SEC16A: variants seen among roughly 807,000 people sequenced by gnomAD.
The protein encoded by SEC16A is SEC16 homolog A, endoplasmic reticulum export factor.
A neutral mutation model predicts 221.9 loss-of-function variants in SEC16A; 110 were observed. That is an observed-to-expected ratio of 0.50 (90% CI 0.42 to 0.58). SEC16A has a LOEUF of 0.58. Ranked by LOEUF, SEC16A falls within the 20% of genes least tolerant of loss-of-function variation. The pLI is 0.00. For synonymous variants in SEC16A, 1,393 were observed against 1,257.7 expected (o/e 1.11, Z -2.28); for missense variants, 3,165 against 3,097.8 (o/e 1.02, Z -0.52).
upstream of SEC16A, chr9:136,484,678 A>G (rs568484799): frequency 2.9e-5 from 39 of 1,366,400 alleles, no homozygotes; most frequent in Middle Eastern, 4.2e-4. Context: ...GTGCCACGCC[A>G]GCAGGGCCGC....
chr9:136,467,007 A>G lies in SEC16A; in HGVS notation c.3879T>C (p.Cys1293=). Residue 1293 remains cysteine (C), a synonymous_variant, in exon 6 of 32, where the codon TGT becomes TGC. Coordinates refer to ENST00000684901, the MANE Select transcript of SEC16A (RefSeq NM_014866.2). The stretch of plus-strand genomic sequence containing the variant: ...TCCTGTATGCGTCATACTCTGCATC[A>G]CACCAATACCTCCGGTCATAGGTGC... ...DPRTYDRRYW[C]DAEYDAYRRE... is the part of the protein sequence containing the mutation. 1 of 1,613,860 alleles carries G rather than the reference A, an allele frequency of 6.2e-7. No homozygotes were observed. The highest frequency in any genetic ancestry group is 8.5e-7 in the Non-Finnish European group (1 of 1,179,840).
intron 30 of SEC16A, 48 bp from the exon 31 acceptor site, chr9:136,443,948 G>A: frequency 2.9e-6 from 4 of 1,395,358 alleles, no homozygotes; most frequent in Non-Finnish European, 3.9e-6. Context: ...CTGCACAGCA[G>A]CTGTCACTTC....
Position 136,459,027 on chromosome 9 carries a change from A to T in SEC16A, c.5409+107T>A, listed in dbSNP as rs1839108011. On this transcript the variant is annotated intron_variant, in intron 17 of 31. Transcript: ENST00000684901. This position sits in a 1 kb window ranked among gnomAD's most constrained non-coding sequence, Gnocchi z 6.1. ...CTCAAGATCCTCCCCCAAAAAACTC[A>T]CATCATTTTTTTCGATACCAATTCA... is the stretch of plus-strand genomic sequence containing the variant. 1 of 687,994 alleles carries T rather than the reference A, an allele frequency of 1.5e-6. No homozygotes were observed. Among genetic ancestry groups the T allele is most frequent in the Non-Finnish European group, 2.4e-6 (1 of 423,266 alleles). The allele number at this position is 687,994 out of a possible 1,614,324, so 42.6% of individuals were successfully genotyped here. A position where few individuals can be genotyped will look rare whatever the true frequency, so the allele number is the denominator to read the frequency against.
intron 1 of SEC16A, among the ~76,000 whole-genome samples, chr9:136,481,562 G>A (rs1488698505): frequency 6.6e-6 from 1 of 152,184 alleles, no homozygotes; most frequent in East Asian, 1.9e-4. Context: ...GTAACCATGT[G>A]GATACCTAAG....
upstream of SEC16A, chr9:136,484,066 C>T (rs11793840): frequency 0.12 from 18,785 of 158,530 alleles, 1,443 homozygotes; most frequent in Admixed American, 0.24. Context: ...AAGGGGGACG[C>T]GCGGGCTCCT....
chr9:136,484,548 G>C, upstream of SEC16A: 1 of 1,305,304 alleles, frequency 7.7e-7, no homozygotes, highest in South Asian at 1.3e-5. Context: ...CGTGGTGGGG[G>C]TGCCCGCCCG....
Position 136,476,575 on chromosome 9 carries a change from C to G in SEC16A, c.1041G>C (p.Thr347=). 2 of 1,607,412 alleles carry G rather than the reference C, an allele frequency of 1.2e-6. No homozygotes were observed. The highest frequency in any genetic ancestry group is 2.2e-5 in the East Asian group (1 of 44,780). Residue 347 remains threonine, a synonymous_variant, in exon 3 of 32, where the codon ACG becomes ACC. Coordinates refer to ENST00000684901, the MANE Select transcript of SEC16A (RefSeq NM_014866.2). ...CGGCCCCAGCCCCCAGTGGGTGGTG[C>G]GTACGGTTTTCTGGGCTATCTCCCC... is the stretch of plus-strand genomic sequence containing the variant. The part of the protein sequence containing the change: ...LARGDSPENR[T]HHPLGAGAGS...
At chr9:136,464,656 G>A in intron 8 of SEC16A, 94 bp from the exon 9 acceptor site, 2 of 1,139,534 alleles carry the variant, frequency 1.8e-6, no homozygotes, top group Non-Finnish European at 2.5e-6. Flanking sequence ...TTAAATCACA[G>A]GTTAGATTTA....
At position 136,440,317 on chromosome 9, in the gene SEC16A, T is replaced by C. The variant is rs912130045; in HGVS notation, c.*1438A>G. 2.0e-5 allele frequency: 3 copies of C among 152,364 alleles called. No homozygotes were observed. The highest frequency in any genetic ancestry group is 4.8e-5 in the African/African-American group (2 of 41,454). The allele number at this position is 152,364 out of a possible 1,614,324, so 9.4% of individuals were successfully genotyped here. On this transcript the variant is annotated 3_prime_UTR_variant, in exon 32 of 32. Transcript: ENST00000684901. The stretch of plus-strand genomic sequence containing the variant: ...GCTGCCCCGTCACAGGGACTGGCCT[T>C]TCTCCAAGTGACAAGGACAAATGGA...
chr9:136,481,328 C>T (rs946530712), intron 1 of SEC16A, among the ~76,000 whole-genome samples: 7 of 151,896 alleles, frequency 4.6e-5, no homozygotes, highest in Admixed American at 2.0e-4. Flanking sequence ...TCAGTAGAGA[C>T]GGGGTTTCAC....
At position 136,466,779 on chromosome 9, in the gene SEC16A, A is replaced by C. The variant is rs1310148331; in HGVS notation, c.3929+178T>G. Among the ~76,000 whole-genome samples the C allele has an allele frequency of 2.0e-5, 3 of 152,186 alleles. No individual in the cohort carries two copies. Among genetic ancestry groups the C allele is most frequent in the Non-Finnish European group, 2.9e-5 (2 of 68,020 alleles). ...AGGCCAGTTCTCCTCTAACAGTCCA[A>C]GCTGGGAACCCTGGGAGGGTCTGCT... On this transcript the variant is annotated intron_variant, in intron 6 of 31. Transcript: ENST00000684901. The surrounding 1 kb of genome is among the most constrained non-coding windows in gnomAD (Gnocchi z 5.5).
At position 136,466,392 on chromosome 9, in the gene SEC16A, G is replaced by A. The variant is rs565142453; in HGVS notation, c.4000C>T (p.Pro1334Ser). ...FTGSFDDDPD[P>S]HRDPYGEEVD... Reference sequence around the variant, plus strand: ...TCTTCCCCATAAGGGTCTCTGTGCGGATCGGGGTCATCGTCAAAACTCCCC... The same window carrying A: ...TCTTCCCCATAAGGGTCTCTGTGCGAATCGGGGTCATCGTCAAAACTCCCC... Residue 1334 changes from proline to serine, a missense_variant, in exon 7 of 32, where the codon CCG (proline) becomes TCG (serine). Transcript: ENST00000684901. The surrounding 1 kb of genome is among the most constrained non-coding windows in gnomAD (Gnocchi z 5.5). The A allele has an allele frequency of 6.2e-7, 1 of 1,604,140 alleles. No individual in the cohort carries two copies. Among genetic ancestry groups the A allele is most frequent in the Non-Finnish European group, 8.5e-7 (1 of 1,175,498 alleles).
At chr9:136,473,915 TTC>T in intron 3 of SEC16A, 132 bp downstream of exon 3, 1 of 955,792 alleles carries the variant, frequency 1.0e-6, no homozygotes, top group Non-Finnish European at 1.5e-6. Flanking sequence ...TGGAATACTG[TTC>T]TCACGCCTGC....
chr9:136,481,973 G>A (rs1419140894), intron 1 of SEC16A, among the ~76,000 whole-genome samples: 3 of 151,822 alleles, frequency 2.0e-5, no homozygotes, highest in Admixed American at 1.3e-4. Flanking sequence ...CCTCTTGCTG[G>A]ATTTGGCAAA....
upstream of SEC16A, chr9:136,483,830 C>T: frequency 1.0e-6 from 1 of 983,294 alleles, no homozygotes; most frequent in South Asian, 4.7e-5. Flanking sequence ...GCGGCCGGAG[C>T]TGCGGGACGC....
rs1841770564 is a variant in SEC16A at position 136,477,289 on chromosome 9, G to A, written c.327C>T (p.Pro109=). Residue 109 remains proline, a synonymous_variant, in exon 3 of 32, where the codon CCC becomes CCT. Coordinates refer to ENST00000684901, the MANE Select transcript of SEC16A (RefSeq NM_014866.2). The stretch of plus-strand genomic sequence containing the variant: ...TGGGCTGTGTCAGAGGTCCAGGCAG[G>A]GGCTCACAGGGTCCCTGAGAGCTAT... ...ARDSSQGPCE[P]LPGPLTQPRA... The A allele has an allele frequency of 6.2e-7, 1 of 1,613,808 alleles. No individual in the cohort carries two copies. Among genetic ancestry groups the A allele is most frequent in the African/African-American group, 1.3e-5 (1 of 74,908 alleles).
rs764993401 is a variant in SEC16A at position 136,441,607 on chromosome 9, C to A, written c.*148G>T. The A allele has an allele frequency of 9.5e-6, 6 of 630,220 alleles. No homozygotes were observed. The African/African-American group carries it at 1.1e-4, about 11-fold the overall frequency. 39.0% of individuals were successfully genotyped at this position (630,220 alleles called of 1,614,324 possible). A position where few individuals can be genotyped will look rare whatever the true frequency, so the allele number is the denominator to read the frequency against. On this transcript the variant is annotated 3_prime_UTR_variant, in exon 32 of 32. Transcript: ENST00000684901. ...TTTCAAAATAATTCATTACGATGGG[C>A]GGTGAGGAGGGAGGCACAGTGTGCG...
At position 136,447,312 on chromosome 9, in the gene SEC16A, C is replaced by T. The variant is rs368674080; in HGVS notation, c.6612G>A (p.Arg2204=). ...CCGCAGGAGCGAGAGCCGGCTCGCT[C>T]CGCTGGGTCCCGCTTGGGTTCAGGA... The part of the protein sequence containing the change: ...VDVLNPSGTQ[R]SEPALAPADF... Residue 2204 remains arginine (R), a synonymous_variant, in exon 27 of 32, where the codon CGG becomes CGA. Coordinates refer to ENST00000684901, the MANE Select transcript of SEC16A (RefSeq NM_014866.2). This position sits in a 1 kb window ranked among gnomAD's most constrained non-coding sequence, Gnocchi z 5.5. 6 of 1,592,766 alleles carry T rather than the reference C, an allele frequency of 3.8e-6. No homozygotes were observed. The African/African-American group carries it at 8.0e-5, about 21-fold the overall frequency.
chr9:136,474,731 G>A lies in SEC16A; in HGVS notation c.2885C>T (p.Thr962Ile). The change falls in exon 3 of 32, where the codon ACA (threonine) becomes ATA (isoleucine). Residue 962 changes from threonine to isoleucine, a missense_variant. By Grantham distance (89) the Thr-to-Ile change is moderately conservative. Coordinates refer to ENST00000684901, the MANE Select transcript of SEC16A (RefSeq NM_014866.2). Reference protein sequence around the residue: ...PGFANSPAGSTSVVLVPPAHG... With the variant: ...PGFANSPAGSISVVLVPPAHG... Reference sequence around the variant, plus strand: ...TGCAGGTGGAACTAACACCACACTTGTGCTTCCAGCAGGGCTATTAGCAAA... The same window carrying A: ...TGCAGGTGGAACTAACACCACACTTATGCTTCCAGCAGGGCTATTAGCAAA... 6.2e-7 allele frequency: 1 copy of A among 1,613,936 alleles called. No homozygotes were observed. Among genetic ancestry groups the A allele is most frequent in the Admixed American group, 1.7e-5 (1 of 60,030 alleles).
Sources: gnomAD v4.1 joint callset for allele counts (sites outside exome capture counted in the v4.1 genomes callset) on GRCh38, gnomAD v4.1.1 for gene constraint, Gnocchi (gnomAD v3.1) non-coding constraint, MANE v1.5 for transcripts, NCBI Gene and HGNC (gene_info 2026-07-23, HGNC 2026-07-21) for gene names.